PRKN: variants seen among roughly 807,000 people sequenced by gnomAD.
The protein encoded by PRKN is E3 ubiquitin-protein ligase parkin.
A neutral mutation model predicts 59.5 loss-of-function variants in PRKN; 56 were observed. That is an observed-to-expected ratio of 0.94 (90% CI 0.76 to 1.18). PRKN has a LOEUF of 1.18. PRKN is among the 50% of genes most tolerant of loss of function. The pLI, the probability that PRKN is intolerant of heterozygous loss-of-function variation, is 0.00. For synonymous variants in PRKN, 250 were observed against 222.1 expected (o/e 1.13, Z -1.12); for missense variants, 657 against 596.4 (o/e 1.10, Z -1.06).
intron 9 of PRKN, among the ~76,000 whole-genome samples, chr6:161,439,934 G>GT (rs1245666722): frequency 6.8e-6 from 1 of 146,580 alleles, no homozygotes; most frequent in Non-Finnish European, 1.5e-5. Context: ...AGGTTTTTTT[G>GT]TTTTTTGTTT....
rs114706643 is a variant in PRKN at position 161,488,713 on chromosome 6, G to A, written c.1083+60141C>T. Among the ~76,000 whole-genome samples the A allele has an allele frequency of 0.013, 1,966 of 152,026 alleles. 49 individuals are homozygous for A. The highest frequency in any genetic ancestry group is 0.045 in the African/African-American group (1,851 of 41,460). On this transcript the variant is annotated intron_variant, in intron 9 of 11. Coordinates refer to ENST00000366898, the MANE Select transcript of PRKN (RefSeq NM_004562.3). The surrounding 1 kb of genome is among the most constrained non-coding windows in gnomAD (Gnocchi z 4.5). ...TGTTGCCCAGGCTGGTCTTGAACTC[G>A]GCCTCAAGTGATCCTCCCACCTTGG...
chr6:162,168,164 T>A (rs868004061), intron 4 of PRKN, among the ~76,000 whole-genome samples: 2 of 152,162 alleles, frequency 1.3e-5, no homozygotes, highest in Non-Finnish European at 2.9e-5. Context: ...GGAACTGATA[T>A]AAAAAAGTTG....
At chr6:161,382,495 T>A (rs1028904848) in intron 10 of PRKN, among the ~76,000 whole-genome samples, 4 of 152,210 alleles carry the variant, frequency 2.6e-5, no homozygotes, top group Admixed American at 6.5e-5. Context: ...TCTGCACTCC[T>A]GCTGAATAGG....
chr6:162,091,266 G>C (rs1180970604), intron 4 of PRKN, among the ~76,000 whole-genome samples: 1 of 152,076 alleles, frequency 6.6e-6, no homozygotes, highest in African/African-American at 2.4e-5. Flanking sequence ...TAATAAAGAT[G>C]ATAGCTATTT....
chr6:162,102,903 C>T (rs1269364139), intron 4 of PRKN, among the ~76,000 whole-genome samples: 6 of 151,838 alleles, frequency 4.0e-5, no homozygotes, highest in Admixed American at 6.6e-5. Context: ...ATTAGCCAGG[C>T]GTGGTGGCGG....
intron 3 of PRKN, among the ~76,000 whole-genome samples, chr6:162,233,264 G>C (rs936556555): frequency 2.6e-5 from 4 of 152,046 alleles, no homozygotes; most frequent in Non-Finnish European, 4.4e-5. Context: ...GTGAATCCTA[G>C]AAAAAATATA....
rs566179160 is a variant in PRKN at position 161,440,497 on chromosome 6, G to C, written c.1084-53620C>G. Among the ~76,000 whole-genome samples the C allele has an allele frequency of 6.6e-6, 1 of 152,198 alleles. No individual in the cohort carries two copies. Among genetic ancestry groups the C allele is most frequent in the East Asian group, 1.9e-4 (1 of 5,176 alleles). On this transcript the variant is annotated intron_variant, in intron 9 of 11. Transcript: ENST00000366898. This position sits in a 1 kb window ranked among gnomAD's most constrained non-coding sequence, Gnocchi z 4.1. Reference sequence around the variant, plus strand: ...ATTTCCCCATTGCTGCCTCTGGGAGGCTGCCTCTCGGGATAGATTGAATTG... The same window carrying C: ...ATTTCCCCATTGCTGCCTCTGGGAGCCTGCCTCTCGGGATAGATTGAATTG...
intron 2 of PRKN, among the ~76,000 whole-genome samples, chr6:162,393,042 C>T (rs1787281971): frequency 6.6e-6 from 1 of 152,024 alleles, no homozygotes; most frequent in African/African-American, 2.4e-5. Flanking sequence ...TCACATTAGT[C>T]CTCCTTTCAC....
At chr6:162,032,579 T>C (rs914714786) in intron 5 of PRKN, among the ~76,000 whole-genome samples, 2 of 152,304 alleles carry the variant, frequency 1.3e-5, no homozygotes, top group Admixed American at 6.5e-5. Flanking sequence ...CTTACGTATA[T>C]AACCTCATTC....
At chr6:161,824,065 A>G (rs1379690497) in intron 6 of PRKN, among the ~76,000 whole-genome samples, 1 of 152,112 alleles carries the variant, frequency 6.6e-6, no homozygotes, top group Non-Finnish European at 1.5e-5. Flanking sequence ...TTATTCCTTC[A>G]CTGAAGTAAC....
chr6:162,274,643 T>C (rs1205739088), intron 2 of PRKN, among the ~76,000 whole-genome samples: 1 of 152,184 alleles, frequency 6.6e-6, no homozygotes, highest in African/African-American at 2.4e-5. Context: ...ACAAGTTCCC[T>C]CACCCATCTC....
intron 5 of PRKN, among the ~76,000 whole-genome samples, chr6:162,036,063 G>A (rs1490434041): frequency 6.6e-6 from 1 of 152,192 alleles, no homozygotes; most frequent in South Asian, 2.1e-4. Context: ...GGTGGCTCAC[G>A]CCTGTAATCC....
At position 162,387,555 on chromosome 6, in the gene PRKN, C is replaced by CAGAGAGAG. The variant is rs60548327; in HGVS notation, c.171+55747_171+55754dup. ...CAACACACACACACACACACACACA[C>CAGAGAGAG]AGAGAGAGAGAGAGAGAGAGAGAGA... is the stretch of plus-strand genomic sequence containing the variant. On this transcript the variant is annotated intron_variant, in intron 2 of 11. Transcript: ENST00000366898. 1.8e-3 allele frequency among the ~76,000 whole-genome samples: 175 copies of CAGAGAGAG among 95,624 alleles called. 1 individual carries two copies. Among genetic ancestry groups the CAGAGAGAG allele is most frequent in the Middle Eastern group, 7.6e-3 (1 of 132 alleles). The allele number at this position is 95,624 out of a possible 152,430, so 62.7% of individuals were successfully genotyped here. A position where few individuals can be genotyped will look rare whatever the true frequency, so the allele number is the denominator to read the frequency against.
At chr6:161,495,088 A>G (rs147385880) in intron 9 of PRKN, among the ~76,000 whole-genome samples, 1 of 152,364 alleles carries the variant, frequency 6.6e-6, no homozygotes, top group East Asian at 1.9e-4. Context: ...TATTTACCAC[A>G]ATATATCAAA....
In PRKN at chr6:161,766,314, A is replaced by AATTTTTT. The variant is rs1554302429; in HGVS notation, c.871+19457_871+19458insAAAAAAT. 1.9e-4 allele frequency among the ~76,000 whole-genome samples: 26 copies of AATTTTTT among 139,642 alleles called. No individual in the cohort carries two copies. In the South Asian group the frequency reaches 6.0e-3, roughly 32 times the overall value. 91.6% of individuals were successfully genotyped at this position (139,642 alleles called of 152,430 possible). ...ACTTATGCCTGCTGTCATTGACCAC[A>AATTTTTT]TTTTTTTTTTTTTAGACAGAGTCTC... On this transcript the variant is annotated intron_variant, in intron 7 of 11. Coordinates refer to ENST00000366898, the MANE Select transcript of PRKN (RefSeq NM_004562.3).
Position 162,201,910 on chromosome 6 carries a change from A to C in PRKN, c.413-658T>G, listed in dbSNP as rs1278401212. On this transcript the variant is annotated intron_variant, in intron 3 of 11. Transcript: ENST00000366898. ...CATTTTCAAGAGTAAAAGGTGAACA[A>C]ACAACTAATTCAATAGTTCAATCTC... Among the ~76,000 whole-genome samples, 3 of 152,302 alleles carry C rather than the reference A, an allele frequency of 2.0e-5. No homozygotes were observed. In the East Asian group the frequency reaches 5.8e-4, roughly 29 times the overall value.
intron 6 of PRKN, among the ~76,000 whole-genome samples, chr6:161,965,903 G>A (rs1030281218): frequency 1.3e-5 from 2 of 151,996 alleles, no homozygotes; most frequent in African/African-American, 4.8e-5. Flanking sequence ...AGACAATAGA[G>A]GACAAATGTC....
chr6:161,998,070 A>G (rs1168149514), intron 5 of PRKN, among the ~76,000 whole-genome samples: 1 of 152,138 alleles, frequency 6.6e-6, no homozygotes, highest in Non-Finnish European at 1.5e-5. Context: ...AACATAAAAC[A>G]TATATTATAT....
At chr6:162,458,255 C>CA (rs34337589) in intron 1 of PRKN, among the ~76,000 whole-genome samples, 29,752 of 64,390 alleles carry the variant, frequency 0.46, 6,057 homozygotes, top group East Asian at 0.58. Flanking sequence ...GACTCTATCT[C>CA]AAAAAAAAAA....
Sources: allele counts gnomAD v4.1 joint callset (sites outside exome capture counted in the v4.1 genomes callset), GRCh38; gene constraint gnomAD v4.1.1; non-coding constraint Gnocchi (gnomAD v3.1); transcripts MANE v1.5; gene names NCBI Gene and HGNC (gene_info 2026-07-23, HGNC 2026-07-21).